Variants in ABT1 observed in about 807,000 individuals in gnomAD.
ABT1 encodes activator of basal transcription 1, also known as TATA-binding protein-binding protein.
A neutral mutation model predicts 14.0 loss-of-function variants in ABT1; 13 were observed. That is an observed-to-expected ratio of 0.93 (90% CI 0.61 to 1.48). The LOEUF is 1.48. Ranked by LOEUF, ABT1 falls within the 40% of genes most tolerant of loss-of-function variation. The pLI is 0.00. For missense variants in ABT1, 430 were observed against 380.0 expected, an observed-to-expected ratio of 1.13 and a Z score of -1.09; for synonymous variants, 165 against 144.6, an observed-to-expected ratio of 1.14 and a Z score of -1.01.
rs782596772 is a variant in ABT1, at chr6:26,598,303, C to T, written c.477C>T (p.His159=). The change falls in exon 3 of 3, where the codon CAC becomes CAT. Residue 159 remains histidine (H), a synonymous_variant. Transcript: ENST00000274849. The part of the protein sequence containing the change: ...HRFTWSHLSE[H]LAFERQVRRQ... ...TCACCTGGTCCCACCTCAGCGAGCACCTCGCCTTTGAGCGCCAGGTGCGCA... is the reference window on the plus strand; with the variant it reads ...TCACCTGGTCCCACCTCAGCGAGCATCTCGCCTTTGAGCGCCAGGTGCGCA... 6.2e-7 allele frequency: 1 copy of T among 1,614,192 alleles called. No homozygotes were observed. The highest frequency in any genetic ancestry group is 1.1e-5 in the South Asian group (1 of 91,088).
intron 1 of ABT1, 60 bp from the exon 2 acceptor site, chr6:26,597,854 G>A: frequency 1.3e-6 from 2 of 1,500,242 alleles, no homozygotes; most frequent in Non-Finnish European, 1.8e-6. Flanking sequence ...GGCAGTGGGA[G>A]GTGCTTTTGA....
At position 26,599,332 on chromosome 6, in the gene ABT1, G is replaced by A. The variant is rs533782293; in HGVS notation, c.*687G>A. 4 of 151,864 alleles carry A rather than the reference G, an allele frequency of 2.6e-5. No homozygotes were observed. The highest frequency in any genetic ancestry group is 5.9e-5 in the Non-Finnish European group (4 of 67,998). 9.4% of individuals were successfully genotyped at this position (151,864 alleles called of 1,614,324 possible). A position where few individuals can be genotyped will look rare whatever the true frequency, so the allele number is the denominator to read the frequency against. On this transcript the variant is annotated 3_prime_UTR_variant, in exon 3 of 3. Transcript: ENST00000274849. ...CCAGTTTATCAATCAGTTATCTTAAGTCAGCATTTTCTAAGCCATTGTTTG... is the reference window on the plus strand; with the variant it reads ...CCAGTTTATCAATCAGTTATCTTAAATCAGCATTTTCTAAGCCATTGTTTG...
In ABT1 at chr6:26,600,708, TC is replaced by T. The variant is rs1193219746; in HGVS notation, c.*2069del. On this transcript the variant is annotated 3_prime_UTR_variant, in exon 3 of 3. Coordinates refer to ENST00000274849, the MANE Select transcript of ABT1 (RefSeq NM_013375.4). ...AATCCACAACTATATAATATTGTTA[TC>T]CCCCCATTAAAACTGAGCTCAGAGA... 3.3e-5 allele frequency: 5 copies of T among 152,188 alleles called. No homozygotes were observed. Among genetic ancestry groups the T allele is most frequent in the African/African-American group, 1.2e-4 (5 of 41,442 alleles). 9.4% of individuals were successfully genotyped at this position (152,188 alleles called of 1,614,324 possible).
chr6:26,597,681 T>C (rs1405165529), intron 1 of ABT1, among the ~76,000 whole-genome samples: 3 of 152,138 alleles, frequency 2.0e-5, no homozygotes, highest in South Asian at 4.1e-4. Flanking sequence ...GCTGAGGACT[T>C]GTGCCGGTTT....
In ABT1 at chr6:26,597,956, G is replaced by T. The variant is rs1365662981; in HGVS notation, c.284G>T (p.Gly95Val). The part of the protein sequence containing the change: ...RRKKKAAAAA[G>V]GKKRSYTKDY... ...AAGAAGAAGGCAGCAGCAGCTGCCG[G>T]AGGAAAAAAGCGGTCCTACACCAAG... Residue 95 changes from glycine (G) to valine (V), a missense_variant, in exon 2 of 3, where the codon GGA becomes GTA. Coordinates refer to ENST00000274849, the MANE Select transcript of ABT1 (RefSeq NM_013375.4). The T allele has an allele frequency of 1.8e-5, 29 of 1,613,466 alleles. No individual in the cohort carries two copies. Among genetic ancestry groups the T allele is most frequent in the Non-Finnish European group, 2.5e-5 (29 of 1,179,740 alleles).
chr6:26,597,284 C>A (rs1764915139), intron 1 of ABT1, 61 bp downstream of exon 1: 2 of 1,579,744 alleles, frequency 1.3e-6, no homozygotes, highest in Non-Finnish European at 1.7e-6. Flanking sequence ...GGGGTGCAAG[C>A]ATGCATGTCC....
At chr6:26,598,222 C>A in intron 2 of ABT1, 43 bp from the exon 3 acceptor site, 1 of 1,582,546 alleles carries the variant, frequency 6.3e-7, no homozygotes, top group South Asian at 1.1e-5. Flanking sequence ...ATCTTTCTCC[C>A]TAATCTGCAC....
At chr6:26,597,893 G>A (rs765515160) in intron 1 of ABT1, 21 bp from the exon 2 acceptor site, 1 of 1,599,290 alleles carries the variant, frequency 6.3e-7, no homozygotes, top group Non-Finnish European at 8.5e-7. Context: ...TCCTGGACGG[G>A]TCTTTGTCTT....
rs1764942182 is a variant in ABT1, at chr6:26,598,937, C to T, written c.*292C>T. The T allele has an allele frequency of 1.1e-5, 3 of 285,310 alleles. No homozygotes were observed. The highest frequency in any genetic ancestry group is 2.5e-4 in the South Asian group (2 of 8,032). The allele number at this position is 285,310 out of a possible 1,614,324, so 17.7% of individuals were successfully genotyped here. On this transcript the variant is annotated 3_prime_UTR_variant, in exon 3 of 3. Coordinates refer to ENST00000274849, the MANE Select transcript of ABT1 (RefSeq NM_013375.4). ...ACGTCTGTAGGGTCCCCTGAAAATC[C>T]CACTTCCTGCCCCCAGAAAGGGCCT...
chr6:26,597,220 G>T lies in ABT1; in HGVS notation c.238G>T (p.Glu80Ter). 1 of 1,614,036 alleles carries T rather than the reference G, an allele frequency of 6.2e-7. No homozygotes were observed. Among genetic ancestry groups the T allele is most frequent in the Non-Finnish European group, 8.5e-7 (1 of 1,179,938 alleles). Residue 80 changes from glutamate to a stop codon, truncating the protein, a stop_gained, in exon 1 of 3, where the codon GAG (glutamate) becomes TAG (stop). Transcript: ENST00000274849. LOFTEE classifies it high-confidence loss of function. ...GEVGRVFFQAEDRFVRRKKKA... is the reference protein window; with the variant it reads ...GEVGRVFFQA ...GGTCGGACGCGTCTTCTTTCAGGCT[G>T]AGGGTAAGTATGCAGGCCCTGACGG...
chr6:26,598,199 G>A lies in ABT1; in HGVS notation c.439-66G>A. 3.2e-6 allele frequency: 5 copies of A among 1,574,370 alleles called. No homozygotes were observed. The East Asian group carries it at 9.0e-5, about 28-fold the overall frequency. ...ATCCCCATGGCCTCTCATTGGCCTT[G>A]TCCCCTTGTCTCATCTTTCTCCCTA... is the stretch of plus-strand genomic sequence containing the variant. On this transcript the variant is annotated intron_variant, in intron 2 of 2. Transcript: ENST00000274849.
chr6:26,598,605 C>T lies in ABT1; in HGVS notation c.779C>T (p.Ser260Leu), dbSNP rs782728748. Reference sequence around the variant, plus strand: ...AGGATCTTTGGAGCCCCGCCACCCTCAGAGAGCATGGAGGGACCTTCCCTT... The same window carrying T: ...AGGATCTTTGGAGCCCCGCCACCCTTAGAGAGCATGGAGGGACCTTCCCTT... ...LARIFGAPPP[S>L]ESMEGPSLVR... The change falls in exon 3 of 3, where the codon TCA becomes TTA. Residue 260 changes from serine (S) to leucine (L), a missense_variant. Physicochemically the swap from Ser to Leu is moderately radical, Grantham distance 145 (BLOSUM62 -2). Transcript: ENST00000274849. The T allele has an allele frequency of 6.3e-7, 1 of 1,593,810 alleles. No homozygotes were observed. The highest frequency in any genetic ancestry group is 8.6e-7 in the Non-Finnish European group (1 of 1,166,152).
intron 1 of ABT1, 48 bp downstream of exon 1, chr6:26,597,271 G>T (rs367703501): frequency 6.3e-7 from 1 of 1,597,438 alleles, no homozygotes; most frequent in Non-Finnish European, 8.5e-7. Flanking sequence ...GTCGCTCGCT[G>T]GCGGGGTGCA....
chr6:26,598,330 G>A lies in ABT1; in HGVS notation c.504G>A (p.Arg168=), dbSNP rs1764931473. 6 of 1,614,144 alleles carry A rather than the reference G, an allele frequency of 3.7e-6. No individual in the cohort carries two copies. Among genetic ancestry groups the A allele is most frequent in the African/African-American group, 1.3e-5 (1 of 74,960 alleles). Residue 168 remains arginine (R), a synonymous_variant, in exon 3 of 3, where the codon AGG becomes AGA. Transcript: ENST00000274849. ...TCGCCTTTGAGCGCCAGGTGCGCAG[G>A]CAGCGCTTGAGAGCGGAGGTTGCTC... ...EHLAFERQVR[R]QRLRAEVAQA...
rs1428936435 is a variant in ABT1 at position 26,600,126 on chromosome 6, C to T, written c.*1481C>T. 1.3e-5 allele frequency: 2 copies of T among 152,168 alleles called. No homozygotes were observed. Among genetic ancestry groups the T allele is most frequent in the African/African-American group, 2.4e-5 (1 of 41,426 alleles). The allele number at this position is 152,168 out of a possible 1,614,324, so 9.4% of individuals were successfully genotyped here. A position where few individuals can be genotyped will look rare whatever the true frequency, so the allele number is the denominator to read the frequency against. On this transcript the variant is annotated 3_prime_UTR_variant, in exon 3 of 3. Coordinates refer to ENST00000274849, the MANE Select transcript of ABT1 (RefSeq NM_013375.4). ...AACTACGTTTCCATTTAGAAACTTT[C>T]GTCTTGTTTCTGTTTTTAATTCTTG...
intron 1 of ABT1, 28 bp downstream of exon 1, chr6:26,597,251 G>C: frequency 6.2e-7 from 1 of 1,605,946 alleles, no homozygotes; most frequent in Non-Finnish European, 8.5e-7. Flanking sequence ...GACGGTGACA[G>C]GAGGAGGTTG....
Position 26,597,015 on chromosome 6 carries a change from G to A in ABT1, c.33G>A (p.Thr11=), listed in dbSNP as rs1212540758. 8 of 1,613,004 alleles carry A rather than the reference G, an allele frequency of 5.0e-6. No individual in the cohort carries two copies. Among genetic ancestry groups the A allele is most frequent in the East Asian group, 2.2e-5 (1 of 44,862 alleles). The change falls in exon 1 of 3, where the codon ACG becomes ACA. Residue 11 remains threonine (T), a synonymous_variant. Transcript: ENST00000274849. Reference sequence around the variant, plus strand: ...CAGAGGAATCGGAGAAGGCCGCAACGGAGCAAGAGCCGCTGGAAGGGACAG... The same window carrying A: ...CAGAGGAATCGGAGAAGGCCGCAACAGAGCAAGAGCCGCTGGAAGGGACAG... The part of the protein sequence containing the change: MEAEESEKAA[T]EQEPLEGTEQ...
chr6:26,598,790 G>T lies in ABT1; in HGVS notation c.*145G>T. On this transcript the variant is annotated 3_prime_UTR_variant, in exon 3 of 3. Transcript: ENST00000274849. ...GATGGCCCAAACATGGAGTTTTGTG[G>T]GCTTCCACTGTCCCCACTCCGAACT... The T allele has an allele frequency of 1.8e-6, 2 of 1,097,446 alleles. No homozygotes were observed. Among genetic ancestry groups the T allele is most frequent in the South Asian group, 1.9e-5 (1 of 52,928 alleles). 68.0% of individuals were successfully genotyped at this position (1,097,446 alleles called of 1,614,324 possible).
rs1554144577 is a variant in ABT1, at chr6:26,597,178, C to T, written c.196C>T (p.Leu66Phe). The T allele has an allele frequency of 7.4e-6, 12 of 1,614,158 alleles. No individual in the cohort carries two copies. The highest frequency in any genetic ancestry group is 6.7e-5 in the East Asian group (3 of 44,904). Residue 66 changes from leucine (L) to phenylalanine (F), a missense_variant, in exon 1 of 3, where the codon CTC (leucine) becomes TTC (phenylalanine). Leu to Phe is a conservative substitution (Grantham distance 22). Transcript: ENST00000274849. ...CCGGCCCCTGCACGTCCGCAACCTTCTCAGCGCCTATGGCGAGGTCGGACG... is the reference window on the plus strand; with the variant it reads ...CCGGCCCCTGCACGTCCGCAACCTTTTCAGCGCCTATGGCGAGGTCGGACG... ...RFRPLHVRNL[L>F]SAYGEVGRVF...
Sources: gnomAD v4.1 joint callset for allele counts (sites outside exome capture counted in the v4.1 genomes callset) on GRCh38, gnomAD v4.1.1 for gene constraint, MANE v1.5 for transcripts, NCBI Gene and HGNC (gene_info 2026-07-23, HGNC 2026-07-21) for gene names.